ZCCHC17: variants seen among roughly 807,000 people sequenced by gnomAD.
ZCCHC17 encodes the protein zinc finger CCHC domain-containing protein 17.
Under a neutral mutation model 30.6 loss-of-function variants are expected in ZCCHC17, and 18 were observed. That is an observed-to-expected ratio of 0.59 (90% CI 0.41 to 0.87). The LOEUF (loss-of-function observed/expected upper bound fraction) is 0.87. Among genes scored for constraint, ZCCHC17 ranks in the 40% least tolerant of loss-of-function variants. The pLI is 0.00. For synonymous variants in ZCCHC17, 88 were observed against 92.4 expected, an observed-to-expected ratio of 0.95 and a Z score of 0.27; for missense variants, 263 against 284.2, an observed-to-expected ratio of 0.93 and a Z score of 0.54.
chr1:31,337,374 G>C, intron 4 of ZCCHC17, 99 bp downstream of exon 4: 1 of 1,028,250 alleles, frequency 9.7e-7, no homozygotes. Flanking sequence ...TGTTAATTGT[G>C]CTGATAATCT....
intron 3 of ZCCHC17, among the ~76,000 whole-genome samples, chr1:31,323,217 A>G (rs1349705489): frequency 1.3e-5 from 2 of 152,246 alleles, no homozygotes; most frequent in African/African-American, 4.8e-5. Context: ...TTCTTATACC[A>G]CAGTATCAAT....
At chr1:31,301,464 T>C (rs1005258752) in intron 1 of ZCCHC17, among the ~76,000 whole-genome samples, 1 of 152,230 alleles carries the variant, frequency 6.6e-6, no homozygotes, top group African/African-American at 2.4e-5. Context: ...AAGAGAATTA[T>C]TGAATGTCAT....
At chr1:31,349,172 A>G (rs1639381928) in intron 7 of ZCCHC17, among the ~76,000 whole-genome samples, 198 bp downstream of exon 7, 1 of 152,100 alleles carries the variant, frequency 6.6e-6, no homozygotes, top group Admixed American at 6.6e-5. Context: ...TTCCACTCTG[A>G]ACAACATAGT....
intron 1 of ZCCHC17, among the ~76,000 whole-genome samples, chr1:31,308,050 ATGT>A (rs1233618278): frequency 2.0e-5 from 3 of 152,256 alleles, no homozygotes; most frequent in Non-Finnish European, 4.4e-5. Flanking sequence ...CTGTTCTAGC[ATGT>A]GAGGTGAGGG....
intron 3 of ZCCHC17, among the ~76,000 whole-genome samples, chr1:31,335,020 A>G (rs981898005): frequency 5.3e-5 from 8 of 152,230 alleles, no homozygotes; most frequent in African/African-American, 1.9e-4. Flanking sequence ...TTAATTGGGA[A>G]ACATTTTGGC....
chr1:31,310,165 G>T lies in ZCCHC17; in HGVS notation c.66+1G>T. 2.5e-6 allele frequency: 4 copies of T among 1,613,942 alleles called. No homozygotes were observed. Among genetic ancestry groups the T allele is most frequent in the Non-Finnish European group, 3.4e-6 (4 of 1,179,958 alleles). On this transcript the variant is annotated splice_donor_variant, in intron 2 of 7. Coordinates refer to ENST00000344147, the MANE Select transcript of ZCCHC17 (RefSeq NM_016505.4). LOFTEE classifies it high-confidence loss of function. ...TCTCTACACTATTTTCCAAGGAGAG[G>T]TATATTCTTTTGTGCTTTGAAAACC...
chr1:31,357,779 G>C (rs1338270577), intron 7 of ZCCHC17, among the ~76,000 whole-genome samples: 1 of 148,648 alleles, frequency 6.7e-6, no homozygotes, highest in Non-Finnish European at 1.5e-5. Context: ...TTTTGAGACG[G>C]AGTTTCACTC....
intron 6 of ZCCHC17, among the ~76,000 whole-genome samples, chr1:31,347,769 C>G (rs1639327068): frequency 6.6e-6 from 1 of 152,084 alleles, no homozygotes; most frequent in African/African-American, 2.4e-5. Flanking sequence ...ACCACCATGT[C>G]CAGCTAATTT....
intron 3 of ZCCHC17, 94 bp from the exon 4 acceptor site, chr1:31,337,081 C>T: frequency 8.4e-7 from 1 of 1,187,590 alleles, no homozygotes. Context: ...TCATTTTTCC[C>T]TTGCATTCCC....
intron 1 of ZCCHC17, among the ~76,000 whole-genome samples, chr1:31,308,531 A>C (rs1646521776): frequency 6.6e-6 from 1 of 152,250 alleles, no homozygotes. Context: ...GTGAAAACAC[A>C]AGAAAAATAA....
In ZCCHC17 at chr1:31,346,648, A is replaced by G; in HGVS notation, c.326A>G (p.Glu109Gly). 1.2e-6 allele frequency: 2 copies of G among 1,609,594 alleles called. No homozygotes were observed. The highest frequency in any genetic ancestry group is 1.7e-6 in the Non-Finnish European group (2 of 1,176,870). ...DPNNVIIEQE[E>G]RRRRSFQDYT... ...TATCTTTTTCATTATAGGCAAGAAG[A>G]GAGGCGGAGGCGATCCTTCCAGGAT... The change falls in exon 6 of 8, where the codon GAG (glutamate) becomes GGG (glycine). Residue 109 changes from glutamate to glycine, a missense_variant. Coordinates refer to ENST00000344147, the MANE Select transcript of ZCCHC17 (RefSeq NM_016505.4).
intron 5 of ZCCHC17, among the ~76,000 whole-genome samples, chr1:31,344,143 C>G (rs1639155733): frequency 6.6e-6 from 1 of 151,858 alleles, no homozygotes; most frequent in South Asian, 2.1e-4. Context: ...ATGTGAGCCA[C>G]CATGCCTGGC....
At chr1:31,308,027 A>C (rs914483609) in intron 1 of ZCCHC17, among the ~76,000 whole-genome samples, 1 of 152,232 alleles carries the variant, frequency 6.6e-6, no homozygotes, top group African/African-American at 2.4e-5. Context: ...AGAACCTGAT[A>C]GATTAGTAAC....
chr1:31,323,715 TA>T (rs966329482), intron 3 of ZCCHC17, among the ~76,000 whole-genome samples: 6 of 152,148 alleles, frequency 3.9e-5, no homozygotes, highest in African/African-American at 1.4e-4. Flanking sequence ...CAAATATTTT[TA>T]AAAAATGATT....
chr1:31,351,168 C>G (rs1421981577), intron 7 of ZCCHC17, among the ~76,000 whole-genome samples: 1 of 152,142 alleles, frequency 6.6e-6, no homozygotes, highest in Non-Finnish European at 1.5e-5. Flanking sequence ...GTCAGCAATA[C>G]TCTCCCAGTC....
Position 31,339,033 on chromosome 1 carries a change from A to G in ZCCHC17, c.302A>G (p.Asn101Ser). ...GGGACTGGGAAAGACCTTGATCCCA[A>G]CAATGTTATCATTGAGTAAGTAAAA... is the stretch of plus-strand genomic sequence containing the variant. ...NQGTGKDLDPNNVIIEQEERR... is the reference protein window; with the variant it reads ...NQGTGKDLDPSNVIIEQEERR... Residue 101 changes from asparagine to serine, a missense_variant, in exon 5 of 8, where the codon AAC becomes AGC. Transcript: ENST00000344147. The G allele has an allele frequency of 2.5e-6, 4 of 1,609,810 alleles. No individual in the cohort carries two copies. Among genetic ancestry groups the G allele is most frequent in the East Asian group, 2.2e-5 (1 of 44,810 alleles).
chr1:31,321,241 A>G (rs1345969594), intron 3 of ZCCHC17, among the ~76,000 whole-genome samples: 1 of 152,062 alleles, frequency 6.6e-6, no homozygotes, highest in African/African-American at 2.4e-5. Flanking sequence ...TAGTAACACA[A>G]GATCTGATGG....
intron 7 of ZCCHC17, among the ~76,000 whole-genome samples, chr1:31,361,716 A>G (rs1569952149): frequency 6.6e-6 from 1 of 152,196 alleles, no homozygotes; most frequent in South Asian, 2.1e-4. Flanking sequence ...GTGGCTTTCA[A>G]CTTGTCCAAG....
At chr1:31,354,686 C>G (rs909627563) in intron 7 of ZCCHC17, among the ~76,000 whole-genome samples, 1 of 152,064 alleles carries the variant, frequency 6.6e-6, no homozygotes, top group Non-Finnish European at 1.5e-5. Context: ...ATTTGTTATT[C>G]CTTTGTTTCT....
Sources: allele counts gnomAD v4.1 joint callset (sites outside exome capture counted in the v4.1 genomes callset), GRCh38; gene constraint gnomAD v4.1.1; transcripts MANE v1.5; gene names NCBI Gene and HGNC (gene_info 2026-07-23, HGNC 2026-07-21).